Variants in TIMM23B observed in about 807,000 individuals in gnomAD.
TIMM23B encodes the protein mitochondrial import inner membrane translocase subunit Tim23B.
In TIMM23B, 27 loss-of-function variants were observed where a neutral mutation model predicts 27.3. The ratio of observed to expected loss-of-function variants is 0.99; its 90% CI spans 0.73 to 1.36. The LOEUF (loss-of-function observed/expected upper bound fraction) is 1.36. TIMM23B is among the 40% of genes most tolerant of loss of function. TIMM23B has a pLI of 0.00. For synonymous variants in TIMM23B, 73 were observed against 92.4 expected (o/e 0.79, Z 1.21); for missense variants, 205 against 244.2 (o/e 0.84, Z 1.07).
chr10:49,945,325 C>A (rs1175648654), intron 2 of TIMM23B, among the ~76,000 whole-genome samples: 1 of 152,120 alleles, frequency 6.6e-6, no homozygotes, highest in Non-Finnish European at 1.5e-5. Context: ...TTTGAAAGCA[C>A]CCCAATAAAA....
chr10:49,970,972 GT>G lies in TIMM23B; in HGVS notation c.515-2038del, dbSNP rs1424533830. 3.3e-5 allele frequency among the ~76,000 whole-genome samples: 5 copies of G among 152,150 alleles called. No individual in the cohort carries two copies. The East Asian group carries it at 9.6e-4, about 29-fold the overall frequency. On this transcript the variant is annotated intron_variant, in intron 6 of 6. Transcript: ENST00000651259. ...AAGTAGACATAGGAGACTCCATTTCGTTCTGTACTAAGAAAAATTCTTCTGC... is the reference window on the plus strand; with the variant it reads ...AAGTAGACATAGGAGACTCCATTTCGTCTGTACTAAGAAAAATTCTTCTGC...
intron 6 of TIMM23B, among the ~76,000 whole-genome samples, chr10:49,959,583 G>A (rs1209937939): frequency 6.6e-6 from 1 of 151,950 alleles, no homozygotes; most frequent in African/African-American, 2.4e-5. Context: ...TTAAGTCAAG[G>A]TTTTTATCTT....
intron 1 of TIMM23B, 121 bp from the exon 2 acceptor site, chr10:49,944,911 T>G: frequency 1.6e-6 from 2 of 1,270,658 alleles, no homozygotes; most frequent in Non-Finnish European, 2.3e-6. Flanking sequence ...GGGAAAAAAT[T>G]TTCTGCCTTC....
intron 2 of TIMM23B, among the ~76,000 whole-genome samples, chr10:49,950,025 G>A (rs2133058644): frequency 6.6e-6 from 1 of 151,960 alleles, no homozygotes; most frequent in South Asian, 2.1e-4. Flanking sequence ...TCTCACTAAT[G>A]CTTTTGTATT....
At position 49,964,296 on chromosome 10, in the gene TIMM23B, G is replaced by A. The variant is rs142851336; in HGVS notation, c.514+5816G>A. 5.1e-3 allele frequency among the ~76,000 whole-genome samples: 772 copies of A among 151,932 alleles called. 28 individuals carry two copies. In the East Asian group the frequency reaches 0.085, roughly 17 times the overall value. ...CACACTCCAGCCTGGGCAATAGAGC[G>A]CGTCTCCGTCTTGAAATGAAATGAA... On this transcript the variant is annotated intron_variant, in intron 6 of 6. Coordinates refer to ENST00000651259, the MANE Select transcript of TIMM23B (RefSeq NM_001290117.2).
intron 1 of TIMM23B, 22 bp downstream of exon 1, chr10:49,942,322 C>T: frequency 7.5e-6 from 12 of 1,597,700 alleles, no homozygotes; most frequent in Admixed American, 1.7e-5. Flanking sequence ...GCCTAGCTTG[C>T]GATTATTTCT....
intron 1 of TIMM23B, among the ~76,000 whole-genome samples, chr10:49,943,952 T>A (rs1469718342): frequency 6.6e-6 from 1 of 152,152 alleles, no homozygotes; most frequent in Non-Finnish European, 1.5e-5. Context: ...ATTTGAGCTG[T>A]GACCCAAATA....
chr10:49,966,138 G>T (rs1395694851), intron 6 of TIMM23B, among the ~76,000 whole-genome samples: 1 of 150,206 alleles, frequency 6.7e-6, no homozygotes, highest in Admixed American at 6.7e-5. Context: ...AATGCTGGGT[G>T]TGGTGGTGCA....
chr10:49,945,795 TAAAGC>T (rs1839338174), intron 2 of TIMM23B, among the ~76,000 whole-genome samples: 1 of 152,184 alleles, frequency 6.6e-6, no homozygotes, highest in East Asian at 1.9e-4. Context: ...CAATTTATAA[TAAAGC>T]AATCAAGGAA....
At chr10:49,947,534 G>T (rs1438320210) in intron 2 of TIMM23B, among the ~76,000 whole-genome samples, 1 of 151,680 alleles carries the variant, frequency 6.6e-6, no homozygotes, top group Non-Finnish European at 1.5e-5. Context: ...ACTTGAACCT[G>T]GGAGGCAGAG....
intron 6 of TIMM23B, among the ~76,000 whole-genome samples, chr10:49,971,084 A>T (rs191436786): frequency 0.018 from 2,798 of 152,280 alleles, 94 homozygotes; most frequent in African/African-American, 0.064. Flanking sequence ...TAAATGGATT[A>T]AGAGCGGTGC....
intron 2 of TIMM23B, among the ~76,000 whole-genome samples, chr10:49,947,006 G>A (rs1318339975): frequency 7.2e-5 from 11 of 152,324 alleles, no homozygotes; most frequent in African/African-American, 2.4e-4. Flanking sequence ...GCAGTCACTT[G>A]CTTTTCAACA....
chr10:49,951,787 C>T (rs1839537396), intron 2 of TIMM23B, among the ~76,000 whole-genome samples: 1 of 152,210 alleles, frequency 6.6e-6, no homozygotes, highest in Non-Finnish European at 1.5e-5. Flanking sequence ...TTATTTGTTT[C>T]TTCCAGACTG....
chr10:49,956,024 A>G (rs1839707731), intron 5 of TIMM23B, among the ~76,000 whole-genome samples: 1 of 152,080 alleles, frequency 6.6e-6, no homozygotes, highest in African/African-American at 2.4e-5. Flanking sequence ...CTATGTTCCA[A>G]TAATCTCCAC....
intron 6 of TIMM23B, among the ~76,000 whole-genome samples, chr10:49,963,148 G>C (rs1187726010): frequency 3.9e-5 from 6 of 151,962 alleles, no homozygotes; most frequent in African/African-American, 1.2e-4. Flanking sequence ...AGCAGAGATC[G>C]CGCCACTGAA....
intron 1 of TIMM23B, 79 bp from the exon 2 acceptor site, chr10:49,944,953 A>C: frequency 6.4e-7 from 1 of 1,566,480 alleles, no homozygotes; most frequent in South Asian, 1.1e-5. Context: ...AACACATGTA[A>C]CAATCAGGAG....
chr10:49,942,094 G>C lies in TIMM23B; in HGVS notation c.-101G>C. 1.4e-6 allele frequency: 2 copies of C among 1,380,468 alleles called. No individual in the cohort carries two copies. Among genetic ancestry groups the C allele is most frequent in the Non-Finnish European group, 9.8e-7 (1 of 1,025,536 alleles). 85.5% of individuals were successfully genotyped at this position (1,380,468 alleles called of 1,614,324 possible). ...CGGAATGTCAGCGTGTGAAGTAGGC[G>C]CTGGCAACGCGGGGTTACCCGCTGT... On this transcript the variant is annotated 5_prime_UTR_variant, in exon 1 of 7. Coordinates refer to ENST00000651259, the MANE Select transcript of TIMM23B (RefSeq NM_001290117.2).
chr10:49,955,182 A>T, intron 5 of TIMM23B, 122 bp downstream of exon 5: 2 of 1,036,144 alleles, frequency 1.9e-6, no homozygotes, highest in South Asian at 2.8e-5. Context: ...GTTTAAATCC[A>T]TTCCAATGCA....
intron 6 of TIMM23B, among the ~76,000 whole-genome samples, chr10:49,966,408 A>C (rs1457375278): frequency 6.6e-5 from 10 of 152,018 alleles, no homozygotes; most frequent in Non-Finnish European, 1.0e-4. Flanking sequence ...ATGAATAATG[A>C]AATGCTGGGT....
Sources: gnomAD v4.1 joint callset for allele counts (sites outside exome capture counted in the v4.1 genomes callset) on GRCh38, gnomAD v4.1.1 for gene constraint, MANE v1.5 for transcripts, NCBI Gene and HGNC (gene_info 2026-07-23, HGNC 2026-07-21) for gene names.